The following NFIA variants were observed in gnomAD, a reference collection of about 807,000 sequenced individuals.
NFIA encodes nuclear factor 1 A-type.
A neutral mutation model predicts 62.8 loss-of-function variants in NFIA; 8 were observed. The ratio of observed to expected loss-of-function variants is 0.13; its 90% CI spans 0.07 to 0.23. The LOEUF (loss-of-function observed/expected upper bound fraction) is 0.23. NFIA is among the 10% of genes least tolerant of loss of function. The pLI is 1.00. For missense variants in NFIA, 410 were observed against 642.1 expected (o/e 0.64, Z 3.91); for synonymous variants, 235 against 238.1 (o/e 0.99, Z 0.12).
chr1:61,396,707 A>G (rs1158342893), intron 7 of NFIA, among the ~76,000 whole-genome samples: 3 of 151,960 alleles, frequency 2.0e-5, no homozygotes, highest in Non-Finnish European at 4.4e-5. Flanking sequence ...GTGGTCAGAA[A>G]CGTGCCTGGG....
At chr1:61,327,320 G>A (rs953673491) in intron 3 of NFIA, among the ~76,000 whole-genome samples, 2 of 151,820 alleles carry the variant, frequency 1.3e-5, no homozygotes, top group East Asian at 3.9e-4. Flanking sequence ...GAATTGTACA[G>A]TGGTGAAGTC....
chr1:61,077,359 A>AGAGCGAGC (rs544510913), upstream of NFIA: 15 of 366,418 alleles, frequency 4.1e-5, no homozygotes, highest in South Asian at 4.3e-4. Context: ...AGAGAGAGTG[A>AGAGCGAGC]GAGCGAGCGA....
intron 6 of NFIA, 71 bp downstream of exon 6, chr1:61,359,345 A>T: frequency 6.2e-7 from 1 of 1,603,994 alleles, no homozygotes; most frequent in South Asian, 1.1e-5. Flanking sequence ...GTCCCATGCC[A>T]CGCATAAAAG....
intron 2 of NFIA, among the ~76,000 whole-genome samples, chr1:61,099,699 C>A (rs1290360462): frequency 6.6e-6 from 1 of 152,286 alleles, no homozygotes. Flanking sequence ...GTTCAGAGAG[C>A]ATCTCACTTG....
chr1:61,358,379 C>CTTTTTTTTTTTTTTTTTTT (rs34853369), intron 5 of NFIA, among the ~76,000 whole-genome samples: 9 of 52,616 alleles, frequency 1.7e-4, no homozygotes, highest in Admixed American at 3.0e-4. Context: ...TTCTTTCTTT[C>CTTTTTTTTTTTTTTTTTTT]TTTTTTTTTT....
chr1:61,169,820 C>T (rs1404055420), intron 2 of NFIA, among the ~76,000 whole-genome samples: 1 of 152,118 alleles, frequency 6.6e-6, no homozygotes, highest in Non-Finnish European at 1.5e-5. Flanking sequence ...GCTTCTTGCA[C>T]ATAGTAGCTG....
intron 3 of NFIA, among the ~76,000 whole-genome samples, chr1:61,322,310 C>T (rs1168825555): frequency 2.0e-5 from 3 of 152,032 alleles, no homozygotes; most frequent in African/African-American, 7.2e-5. Flanking sequence ...ACAAAGCAAC[C>T]AATAAAACGC....
At chr1:61,272,424 T>C (rs1386543527) in intron 2 of NFIA, among the ~76,000 whole-genome samples, 1 of 152,216 alleles carries the variant, frequency 6.6e-6, no homozygotes, top group Non-Finnish European at 1.5e-5. Context: ...AAGCAAAATG[T>C]GACTATTATA....
chr1:61,089,530 C>T (rs553823791), intron 2 of NFIA, among the ~76,000 whole-genome samples: 1 of 152,028 alleles, frequency 6.6e-6, no homozygotes, highest in African/African-American at 2.4e-5. Flanking sequence ...GCTCATTGTG[C>T]TATGTGAACG....
At chr1:61,364,548 T>C (rs1342498060) in intron 6 of NFIA, among the ~76,000 whole-genome samples, 2 of 152,188 alleles carry the variant, frequency 1.3e-5, no homozygotes, top group Admixed American at 1.3e-4. Context: ...AGCAGAACAA[T>C]TGCTTAGGCT....
chr1:61,207,770 C>T (rs1652989967), intron 2 of NFIA, among the ~76,000 whole-genome samples: 1 of 152,164 alleles, frequency 6.6e-6, no homozygotes, highest in Non-Finnish European at 1.5e-5. Flanking sequence ...CCTCCTTTTG[C>T]TTTTGTTAGG....
At chr1:61,155,998 C>T (rs530565860) in intron 2 of NFIA, among the ~76,000 whole-genome samples, 25 of 151,942 alleles carry the variant, frequency 1.6e-4, no homozygotes, top group East Asian at 1.4e-3. Flanking sequence ...ATTAGCTCGG[C>T]GTTGCGTGCG....
At chr1:61,197,868 C>T (rs1015161750) in intron 2 of NFIA, among the ~76,000 whole-genome samples, 1 of 151,972 alleles carries the variant, frequency 6.6e-6, no homozygotes, top group African/African-American at 2.4e-5. Context: ...GTAATTCCAG[C>T]TACTCGGGAG....
intron 2 of NFIA, among the ~76,000 whole-genome samples, chr1:61,228,844 T>C (rs2100628219): frequency 6.6e-6 from 1 of 152,320 alleles, no homozygotes; most frequent in Middle Eastern, 3.4e-3. Flanking sequence ...TGCTCTCTAA[T>C]GTTTATTATC....
chr1:61,236,786 A>G (rs1185764211), intron 2 of NFIA, among the ~76,000 whole-genome samples: 2 of 152,176 alleles, frequency 1.3e-5, no homozygotes, highest in African/African-American at 4.8e-5. Context: ...GATATGGTCC[A>G]TTTCTCTAAT....
chr1:61,197,790 G>A (rs1652135215), intron 2 of NFIA, among the ~76,000 whole-genome samples: 2 of 151,234 alleles, frequency 1.3e-5, no homozygotes, highest in Admixed American at 6.6e-5. Context: ...GACCAGCCTA[G>A]CCAATATAGT....
intron 1 of NFIA, among the ~76,000 whole-genome samples, chr1:61,086,463 C>T (rs1646220257): frequency 6.6e-6 from 1 of 152,044 alleles, no homozygotes. Flanking sequence ...ATAACAATTC[C>T]TGTATTTTTT....
chr1:61,316,390 G>A (rs767271014), intron 3 of NFIA, among the ~76,000 whole-genome samples: 3 of 152,158 alleles, frequency 2.0e-5, no homozygotes, highest in Non-Finnish European at 4.4e-5. Flanking sequence ...ACCTGCTGAG[G>A]TCTTAAGGCA....
intron 9 of NFIA, among the ~76,000 whole-genome samples, chr1:61,425,512 A>C (rs17265796): frequency 0.054 from 8,279 of 152,290 alleles, 311 homozygotes; most frequent in South Asian, 0.1. Flanking sequence ...TATTGTTAAG[A>C]CATTTGAAAT....
Sources: allele counts gnomAD v4.1 joint callset (sites outside exome capture counted in the v4.1 genomes callset), GRCh38; gene constraint gnomAD v4.1.1; transcripts MANE v1.5; gene names NCBI Gene and HGNC (gene_info 2026-07-23, HGNC 2026-07-21).